ZFPM2: variants seen among roughly 807,000 people sequenced by gnomAD.
The protein encoded by ZFPM2 is zinc finger protein, FOG family member 2.
Under a neutral mutation model 98.6 loss-of-function variants are expected in ZFPM2, and 20 were observed. That is an observed-to-expected ratio of 0.20 (90% CI 0.14 to 0.29). ZFPM2 has a LOEUF of 0.29. Among genes scored for constraint, ZFPM2 ranks in the 10% least tolerant of loss-of-function variants. The pLI is 1.00. For synonymous variants in ZFPM2, 518 were observed against 502.7 expected, an observed-to-expected ratio of 1.03 and a Z score of -0.41; for missense variants, 1,310 against 1,388.6, an observed-to-expected ratio of 0.94 and a Z score of 0.90.
intron 1 of ZFPM2, among the ~76,000 whole-genome samples, chr8:105,409,520 G>T (rs1586351919): frequency 6.6e-6 from 1 of 151,990 alleles, no homozygotes; most frequent in African/African-American, 2.4e-5. Context: ...CACTTATCAG[G>T]ATTTGTCCAG....
chr8:105,328,193 T>A (rs961754211), intron 1 of ZFPM2, among the ~76,000 whole-genome samples: 1 of 151,956 alleles, frequency 6.6e-6, no homozygotes, highest in South Asian at 2.1e-4. Context: ...TTTTATGCTG[T>A]TTTTAAATGC....
chr8:105,751,794 T>TA (rs78079434), intron 5 of ZFPM2, among the ~76,000 whole-genome samples: 2,629 of 139,902 alleles, frequency 0.019, 80 homozygotes, highest in African/African-American at 0.062. Flanking sequence ...GGTAGATTGT[T>TA]AAAAAAAAAA....
At chr8:105,525,531 T>A (rs965753315) in intron 3 of ZFPM2, among the ~76,000 whole-genome samples, 8 of 152,174 alleles carry the variant, frequency 5.3e-5, no homozygotes, top group Admixed American at 1.3e-4. Context: ...ATGTTCCATG[T>A]GTAAAAACCA....
At chr8:105,473,735 CACTTAG>C (rs1341513035) in intron 3 of ZFPM2, among the ~76,000 whole-genome samples, 2 of 152,152 alleles carry the variant, frequency 1.3e-5, no homozygotes, top group Non-Finnish European at 2.9e-5. Context: ...GAAATATAGG[CACTTAG>C]ACTTAGAAAA....
chr8:105,502,129 A>G (rs1586420224), intron 3 of ZFPM2, among the ~76,000 whole-genome samples: 1 of 152,170 alleles, frequency 6.6e-6, no homozygotes, highest in Admixed American at 6.5e-5. Flanking sequence ...TTAAAGTAAG[A>G]TGGTTCCTCA....
At chr8:105,330,156 T>A (rs1271547022) in intron 1 of ZFPM2, among the ~76,000 whole-genome samples, 1 of 151,504 alleles carries the variant, frequency 6.6e-6, no homozygotes, top group Admixed American at 6.6e-5. Flanking sequence ...TGTGACAGAA[T>A]TGGAATTTGG....
intron 3 of ZFPM2, among the ~76,000 whole-genome samples, chr8:105,535,205 A>C (rs561342958): frequency 5.9e-5 from 9 of 152,298 alleles, no homozygotes; most frequent in African/African-American, 2.2e-4. Context: ...TTCATAATTC[A>C]TAAAGGAAAG....
At chr8:105,345,541 GTTCATGCTTCC>G (rs1288789431) in intron 1 of ZFPM2, among the ~76,000 whole-genome samples, 2 of 148,536 alleles carry the variant, frequency 1.3e-5, no homozygotes, top group African/African-American at 4.9e-5. Flanking sequence ...ATCAAGGGAA[GTTCATGCTTCC>G]TTAAACGTAT....
At chr8:105,440,668 A>G (rs1283229830) in intron 2 of ZFPM2, among the ~76,000 whole-genome samples, 1 of 152,180 alleles carries the variant, frequency 6.6e-6, no homozygotes, top group East Asian at 1.9e-4. Flanking sequence ...TCTGGTCTCA[A>G]AAGACACGAG....
chr8:105,523,111 C>T (rs556237680), intron 3 of ZFPM2, among the ~76,000 whole-genome samples: 2 of 152,220 alleles, frequency 1.3e-5, no homozygotes, highest in South Asian at 4.1e-4. Context: ...TTAAAATTAC[C>T]TGTCTTACAT....
At chr8:105,554,198 A>G (rs1280256387) in intron 3 of ZFPM2, among the ~76,000 whole-genome samples, 1 of 152,198 alleles carries the variant, frequency 6.6e-6, no homozygotes, top group Non-Finnish European at 1.5e-5. Flanking sequence ...AGATGGATCA[A>G]TATAGCATAA....
chr8:105,419,651 A>C (rs543195340), intron 2 of ZFPM2, among the ~76,000 whole-genome samples: 2 of 152,314 alleles, frequency 1.3e-5, no homozygotes, highest in Admixed American at 1.3e-4. Flanking sequence ...AAGGCACTAA[A>C]TTAGGCATTA....
At chr8:105,417,962 A>G (rs1811711217) in intron 1 of ZFPM2, among the ~76,000 whole-genome samples, 1 of 152,132 alleles carries the variant, frequency 6.6e-6, no homozygotes, top group South Asian at 2.1e-4. Context: ...AACCCATCCA[A>G]TTATTCTGTC....
chr8:105,358,518 T>G (rs1812792886), intron 1 of ZFPM2: 1 of 152,174 alleles, frequency 6.6e-6, no homozygotes, highest in African/African-American at 2.4e-5. Flanking sequence ...ACCAAAGCTA[T>G]CAACATGACT....
chr8:105,600,302 G>A (rs1015523235), intron 4 of ZFPM2, among the ~76,000 whole-genome samples: 31 of 152,024 alleles, frequency 2.0e-4, no homozygotes, highest in Non-Finnish European at 3.5e-4. Flanking sequence ...ATGGATTTGG[G>A]AATAAAATAT....
intron 3 of ZFPM2, among the ~76,000 whole-genome samples, chr8:105,500,709 C>T (rs1310752784): frequency 6.6e-6 from 1 of 151,792 alleles, no homozygotes; most frequent in East Asian, 1.9e-4. Flanking sequence ...TAAACATAAA[C>T]CTATGTTGTT....
At chr8:105,389,911 T>G (rs965105814) in intron 1 of ZFPM2, among the ~76,000 whole-genome samples, 2 of 152,220 alleles carry the variant, frequency 1.3e-5, no homozygotes, top group Non-Finnish European at 2.9e-5. Flanking sequence ...TGCAGATTTG[T>G]CAGATTTAGG....
chr8:105,445,054 A>G (rs905249907), intron 3 of ZFPM2, among the ~76,000 whole-genome samples: 11 of 152,246 alleles, frequency 7.2e-5, no homozygotes, highest in African/African-American at 2.7e-4. Flanking sequence ...GGAGACTATT[A>G]TGTCACAAGG....
intron 3 of ZFPM2, among the ~76,000 whole-genome samples, chr8:105,462,852 CA>C (rs1188148300): frequency 6.6e-6 from 1 of 151,754 alleles, no homozygotes; most frequent in Non-Finnish European, 1.5e-5. Flanking sequence ...CTATGTTGTT[CA>C]AAAAATAAAA....
Sources: allele counts gnomAD v4.1 joint callset (sites outside exome capture counted in the v4.1 genomes callset), GRCh38; gene constraint gnomAD v4.1.1; transcripts MANE v1.5; gene names NCBI Gene and HGNC (gene_info 2026-07-23, HGNC 2026-07-21).